Variants in MRPL1 observed in about 807,000 individuals in gnomAD.
MRPL1 encodes the protein large ribosomal subunit protein uL1m.
A neutral mutation model predicts 38.0 loss-of-function variants in MRPL1; 28 were observed. That is an observed-to-expected ratio of 0.74 (90% confidence interval 0.55 to 1.01). The LOEUF (loss-of-function observed/expected upper bound fraction) is 1.01. MRPL1 is among the 50% of genes least tolerant of loss of function. The pLI, the probability that MRPL1 is intolerant of heterozygous loss-of-function variation, is 0.00. For missense variants in MRPL1, 358 were observed against 389.8 expected, an observed-to-expected ratio of 0.92 and a Z score of 0.69; for synonymous variants, 123 against 126.7, an observed-to-expected ratio of 0.97 and a Z score of 0.20.
At chr4:77,867,439 G>C (rs931285093) in intron 1 of MRPL1, among the ~76,000 whole-genome samples, 1 of 152,218 alleles carries the variant, frequency 6.6e-6, no homozygotes, top group Admixed American at 6.5e-5. Flanking sequence ...CACTGTGCTA[G>C]GTGCTAGGTA....
intron 7 of MRPL1, among the ~76,000 whole-genome samples, 193 bp from the exon 8 acceptor site, chr4:77,949,604 T>C (rs1456863091): frequency 2.6e-5 from 4 of 152,196 alleles, no homozygotes; most frequent in Non-Finnish European, 4.4e-5. Context: ...GTTCTATAAA[T>C]CTATTAAATC....
intron 5 of MRPL1, among the ~76,000 whole-genome samples, chr4:77,890,721 A>G (rs1210529717): frequency 2.6e-5 from 4 of 152,224 alleles, no homozygotes; most frequent in African/African-American, 9.6e-5. Context: ...ACACGATTGT[A>G]TATTTAGAAA....
rs910306113 is a variant in MRPL1 at position 77,883,976 on chromosome 4, T to C, written c.402+476T>C. Among the ~76,000 whole-genome samples, 11 of 152,222 alleles carry C rather than the reference T, an allele frequency of 7.2e-5. 1 individual carries two copies. In the East Asian group the frequency reaches 2.1e-3, roughly 29 times the overall value. ...AATATGTTTGTTCATTTAAAAATTTTCCAAATATAAAATTTGTTGAAAACA... is the reference window on the plus strand; with the variant it reads ...AATATGTTTGTTCATTTAAAAATTTCCCAAATATAAAATTTGTTGAAAACA... On this transcript the variant is annotated intron_variant, in intron 3 of 8. Transcript: ENST00000315567.
intron 2 of MRPL1, among the ~76,000 whole-genome samples, chr4:77,880,589 C>G (rs551116176): frequency 6.6e-6 from 1 of 151,628 alleles, no homozygotes; most frequent in African/African-American, 2.4e-5. Flanking sequence ...TTCTGACTAC[C>G]ACAGAACCGG....
rs969402527 is a variant in MRPL1 at position 77,863,461 on chromosome 4, A to ATTTTTT, written c.31+598_31+603dup. On this transcript the variant is annotated intron_variant, in intron 1 of 8. Coordinates refer to ENST00000315567, the MANE Select transcript of MRPL1 (RefSeq NM_020236.4). ...GATGACAGCCCTTTCTTGTGCAACA[A>ATTTTTT]TTTTTTTTTTTTTTTTTTTTTGAGA... Among the ~76,000 whole-genome samples the ATTTTTT allele has an allele frequency of 9.6e-3, 1,075 of 112,564 alleles. 53 individuals carry two copies. The highest frequency in any genetic ancestry group is 0.069 in the East Asian group (287 of 4,180). The allele number at this position is 112,564 out of a possible 152,430, so 73.8% of individuals were successfully genotyped here.
chr4:77,937,109 A>T (rs554613706), intron 7 of MRPL1, among the ~76,000 whole-genome samples: 2 of 152,144 alleles, frequency 1.3e-5, no homozygotes, highest in South Asian at 4.2e-4. Flanking sequence ...TGGGTGACAG[A>T]GTAAAATGCT....
chr4:77,927,752 A>T (rs1736747923), intron 7 of MRPL1, among the ~76,000 whole-genome samples: 1 of 152,094 alleles, frequency 6.6e-6, no homozygotes, highest in South Asian at 2.1e-4. Context: ...AGCCTAGGAG[A>T]TTAGGCATTA....
chr4:77,892,711 AT>A (rs34381992), intron 5 of MRPL1, among the ~76,000 whole-genome samples: 32,821 of 152,090 alleles, frequency 0.22, 4,327 homozygotes, highest in African/African-American at 0.37. Context: ...ACATTTAGAA[AT>A]TGCCTCTGCT....
intron 7 of MRPL1, among the ~76,000 whole-genome samples, chr4:77,912,539 G>C (rs1736313763): frequency 6.6e-6 from 1 of 152,020 alleles, no homozygotes; most frequent in Non-Finnish European, 1.5e-5. Flanking sequence ...TTTAAAACAT[G>C]GTTAAGAAAA....
chr4:77,952,256 G>A (rs1737427980), intron 8 of MRPL1, among the ~76,000 whole-genome samples: 1 of 152,174 alleles, frequency 6.6e-6, no homozygotes, highest in Non-Finnish European at 1.5e-5. Flanking sequence ...TATTAGAAGT[G>A]TTTGAGCTCT....
chr4:77,875,948 C>G (rs1371705284), intron 2 of MRPL1, among the ~76,000 whole-genome samples: 16 of 152,038 alleles, frequency 1.1e-4, no homozygotes, highest in Admixed American at 1.0e-3. Context: ...TACCATCAAT[C>G]TTCATTTGTG....
chr4:77,900,030 G>T (rs564444980), intron 6 of MRPL1, among the ~76,000 whole-genome samples: 2 of 152,110 alleles, frequency 1.3e-5, no homozygotes, highest in Non-Finnish European at 2.9e-5. Context: ...TCTACAAAAT[G>T]AGTTTCATTA....
rs1016652691 is a variant in MRPL1 at position 77,951,795 on chromosome 4, G to A, written c.860-694G>A. 4.6e-5 allele frequency among the ~76,000 whole-genome samples: 7 copies of A among 152,270 alleles called. No homozygotes were observed. The South Asian group carries it at 1.0e-3, about 23-fold the overall frequency. Reference sequence around the variant, plus strand: ...TTAATTGGTATGTCTGCATGATCCCGGTGTGAGTTAGTGTGTGGGTTGTGT... The same window carrying A: ...TTAATTGGTATGTCTGCATGATCCCAGTGTGAGTTAGTGTGTGGGTTGTGT... On this transcript the variant is annotated intron_variant, in intron 8 of 8. Coordinates refer to ENST00000315567, the MANE Select transcript of MRPL1 (RefSeq NM_020236.4).
At chr4:77,941,404 C>T (rs1737129807) in intron 7 of MRPL1, among the ~76,000 whole-genome samples, 2 of 152,038 alleles carry the variant, frequency 1.3e-5, no homozygotes, top group Non-Finnish European at 2.9e-5. Context: ...GGGAAGATTC[C>T]CTATTTCTCT....
chr4:77,939,814 T>C (rs1315344553), intron 7 of MRPL1, among the ~76,000 whole-genome samples: 1 of 152,182 alleles, frequency 6.6e-6, no homozygotes, highest in Non-Finnish European at 1.5e-5. Context: ...TTCTCCACTT[T>C]ATGTTTTTGT....
At chr4:77,865,668 AC>A (rs927524469) in intron 1 of MRPL1, among the ~76,000 whole-genome samples, 1 of 151,752 alleles carries the variant, frequency 6.6e-6, no homozygotes, top group African/African-American at 2.4e-5. Flanking sequence ...CACCTGGCTG[AC>A]TCCTCTCTGT....
intron 2 of MRPL1, among the ~76,000 whole-genome samples, chr4:77,878,703 C>T (rs1018093302): frequency 6.6e-6 from 1 of 151,956 alleles, no homozygotes; most frequent in Non-Finnish European, 1.5e-5. Context: ...CATGGTGAAA[C>T]CTTGTCTCTA....
intron 7 of MRPL1, among the ~76,000 whole-genome samples, chr4:77,924,239 T>A (rs1476422161): frequency 8.8e-6 from 1 of 113,468 alleles, no homozygotes; most frequent in Non-Finnish European, 1.9e-5. Flanking sequence ...TCAGTGTGTT[T>A]CGTGCCATTT....
Position 77,909,371 on chromosome 4 carries a change from C to T in MRPL1, c.776C>T (p.Thr259Ile). The T allele has an allele frequency of 6.7e-7, 1 of 1,486,664 alleles. No individual in the cohort carries two copies. The highest frequency in any genetic ancestry group is 9.3e-7 in the Non-Finnish European group (1 of 1,073,496). 92.1% of individuals were successfully genotyped at this position (1,486,664 alleles called of 1,614,324 possible). The change falls in exon 7 of 9, where the codon ACA (threonine) becomes ATA (isoleucine). Residue 259 changes from threonine (T) to isoleucine (I), a missense_variant and splice_region_variant. Thr to Ile is a moderately conservative substitution (Grantham distance 89). Transcript: ENST00000315567. The part of the protein sequence containing the change: ...RENFLQTKIA[T>I]LDMSSDQIAA... ...AACTTTCTCCAGACCAAAATAGCAACAGTAAGTTACAATGAAAATTATCAA... is the reference window on the plus strand; with the variant it reads ...AACTTTCTCCAGACCAAAATAGCAATAGTAAGTTACAATGAAAATTATCAA...
Sources: gnomAD v4.1 joint callset for allele counts (sites outside exome capture counted in the v4.1 genomes callset) on GRCh38, gnomAD v4.1.1 for gene constraint, MANE v1.5 for transcripts, NCBI Gene and HGNC (gene_info 2026-07-23, HGNC 2026-07-21) for gene names.